PLAG1: variants seen among roughly 807,000 people sequenced by gnomAD.
The protein encoded by PLAG1 is PLAG1 zinc finger, also known as zinc finger protein PLAG1.
PLAG1 carries 7 observed loss-of-function variants against 35.5 expected under a neutral mutation model. The observed-to-expected ratio is 0.20, with a 90% CI of 0.11 to 0.37. The LOEUF is 0.37. PLAG1 is among the 10% of genes least tolerant of loss of function. The probability of loss-of-function intolerance (pLI) is 1.00; values close to 1 mark genes in which losing one functional copy is unlikely to be tolerated. For missense variants in PLAG1, 454 were observed against 602.8 expected, an observed-to-expected ratio of 0.75 and a Z score of 2.58; for synonymous variants, 229 against 225.4, an observed-to-expected ratio of 1.02 and a Z score of -0.14.
In PLAG1 at chr8:56,167,209, C is replaced by T; in HGVS notation, c.537G>A (p.Gly179=). The T allele has an allele frequency of 1.2e-6, 2 of 1,613,952 alleles. No individual in the cohort carries two copies. The highest frequency in any genetic ancestry group is 8.5e-7 in the Non-Finnish European group (1 of 1,179,982). The stretch of plus-strand genomic sequence containing the variant: ...CGCACTGGTGCTTTTTTTCTTTAAC[C>T]CCACCAGACGACTTGCCTGCATGAG... The part of the protein sequence containing the change: ...LKSHAGKSSG[G]VKEKKHQCEH... Residue 179 remains glycine, a synonymous_variant, in exon 5 of 5, where the codon GGG becomes GGA. Coordinates refer to ENST00000316981, the MANE Select transcript of PLAG1 (RefSeq NM_002655.3). This position sits in a 1 kb window ranked among gnomAD's most constrained non-coding sequence, Gnocchi z 5.9.
intron 1 of PLAG1, among the ~76,000 whole-genome samples, chr8:56,182,882 A>T (rs1359229585): frequency 2.6e-5 from 4 of 152,148 alleles, no homozygotes; most frequent in Non-Finnish European, 5.9e-5. Flanking sequence ...TTTGCCCTGG[A>T]TAAGAAAAGG....
In PLAG1 at chr8:56,162,072, T is replaced by A. The variant is rs540052474; in HGVS notation, c.*4171A>T. On this transcript the variant is annotated 3_prime_UTR_variant, in exon 5 of 5. Transcript: ENST00000316981. ...TCTATGATCCCAAAGGAGCTCCCTATGGGTTTTTAGCACAAAACTGCACAA... is the reference window on the plus strand; with the variant it reads ...TCTATGATCCCAAAGGAGCTCCCTAAGGGTTTTTAGCACAAAACTGCACAA... 4.4e-6 allele frequency: 1 copy of A among 225,940 alleles called. No individual in the cohort carries two copies. Among genetic ancestry groups the A allele is most frequent in the East Asian group, 6.4e-5 (1 of 15,736 alleles). 14.0% of individuals were successfully genotyped at this position (225,940 alleles called of 1,614,324 possible).
At position 56,168,156 on chromosome 8, in the gene PLAG1, C is replaced by G; in HGVS notation, c.114G>C (p.Leu38=). 6.2e-7 allele frequency: 1 copy of G among 1,612,918 alleles called. No homozygotes were observed. Among genetic ancestry groups the G allele is most frequent in the Non-Finnish European group, 8.5e-7 (1 of 1,178,954 alleles). The change falls in exon 4 of 5, where the codon CTG becomes CTC. Residue 38 remains leucine, a synonymous_variant. Coordinates refer to ENST00000316981, the MANE Select transcript of PLAG1 (RefSeq NM_002655.3). The part of the protein sequence containing the change: ...TKPRKNFPCQ[L]CDKAFNSVEK... ...CAACACTGTTAAAGGCCTTGTCACA[C>G]AGTTGGCAAGGAAAGTTTTTTCTTG...
intron 1 of PLAG1, among the ~76,000 whole-genome samples, chr8:56,204,856 T>C (rs1047063811): frequency 6.6e-6 from 1 of 151,880 alleles, no homozygotes; most frequent in South Asian, 2.1e-4. Context: ...CTTCACAATC[T>C]GTAAAGGATT....
chr8:56,186,779 C>T (rs564163133), intron 1 of PLAG1, among the ~76,000 whole-genome samples: 6 of 152,026 alleles, frequency 3.9e-5, no homozygotes, highest in East Asian at 1.9e-4. Flanking sequence ...TGCAATGGCG[C>T]GATCTTAGCT....
chr8:56,210,350 A>G (rs765959185), intron 1 of PLAG1, among the ~76,000 whole-genome samples: 1 of 151,826 alleles, frequency 6.6e-6, no homozygotes, highest in African/African-American at 2.4e-5. Flanking sequence ...GATACTGACA[A>G]CAAGCTGTCC....
rs148236195 is a variant in PLAG1, at chr8:56,201,901, T to C, written c.-322+9220A>G. On this transcript the variant is annotated intron_variant, in intron 1 of 4. Coordinates refer to ENST00000316981, the MANE Select transcript of PLAG1 (RefSeq NM_002655.3). ...ATGTTGCTAACGATTCAGGGAATAA[T>C]TCAACCAATCAAGTTGAGTTTCTTT... Among the ~76,000 whole-genome samples the C allele has an allele frequency of 4.3e-4, 65 of 152,118 alleles. 2 individuals carry two copies. The East Asian group carries it at 9.0e-3, about 21-fold the overall frequency.
chr8:56,206,190 C>T (rs1308363693), intron 1 of PLAG1, among the ~76,000 whole-genome samples: 1 of 151,882 alleles, frequency 6.6e-6, no homozygotes, highest in African/African-American at 2.4e-5. Flanking sequence ...CAGTACCACC[C>T]TGTAAAGAGG....
At chr8:56,173,578 T>C (rs1263635961) in intron 2 of PLAG1, among the ~76,000 whole-genome samples, 1 of 144,782 alleles carries the variant, frequency 6.9e-6, no homozygotes, top group Non-Finnish European at 1.5e-5. Context: ...CTCATGTTTT[T>C]CTTTTCTACT....
At chr8:56,193,337 T>C (rs1031681650) in intron 1 of PLAG1, among the ~76,000 whole-genome samples, 2 of 152,252 alleles carry the variant, frequency 1.3e-5, no homozygotes, top group African/African-American at 4.8e-5. Flanking sequence ...TACTTCTGTA[T>C]ATCTTTAAAA....
At chr8:56,196,481 G>T (rs961678925) in intron 1 of PLAG1, among the ~76,000 whole-genome samples, 2 of 152,120 alleles carry the variant, frequency 1.3e-5, no homozygotes, top group African/African-American at 2.4e-5. Context: ...GGTGACCTGA[G>T]GAGGATAGGA....
intron 1 of PLAG1, among the ~76,000 whole-genome samples, chr8:56,187,972 A>G (rs1351165962): frequency 6.6e-6 from 1 of 152,236 alleles, no homozygotes; most frequent in Non-Finnish European, 1.5e-5. Flanking sequence ...ATTATTGACT[A>G]TCCAGCAATG....
intron 1 of PLAG1, among the ~76,000 whole-genome samples, chr8:56,190,062 T>A (rs73596211): frequency 0.097 from 14,822 of 152,240 alleles, 1,900 homozygotes; most frequent in African/African-American, 0.3. Flanking sequence ...GGACTAGCTC[T>A]CGGCCTTGGG....
At chr8:56,191,784 C>T (rs1357952245) in intron 1 of PLAG1, among the ~76,000 whole-genome samples, 1 of 140,624 alleles carries the variant, frequency 7.1e-6, no homozygotes, top group Non-Finnish European at 1.5e-5. Context: ...ATTTATCTGG[C>T]AACATCAATA....
At chr8:56,206,625 C>T (rs1585832752) in intron 1 of PLAG1, among the ~76,000 whole-genome samples, 1 of 151,994 alleles carries the variant, frequency 6.6e-6, no homozygotes, top group Non-Finnish European at 1.5e-5. Flanking sequence ...ATCTGATTTA[C>T]CCTGCATTCA....
chr8:56,182,598 G>A (rs1052087631), intron 1 of PLAG1, among the ~76,000 whole-genome samples: 2 of 152,268 alleles, frequency 1.3e-5, no homozygotes, highest in Non-Finnish European at 2.9e-5. Context: ...TGGGTGGGGC[G>A]GGAGGGAGTG....
intron 1 of PLAG1, among the ~76,000 whole-genome samples, chr8:56,207,791 C>G (rs908653248): frequency 6.6e-5 from 10 of 152,088 alleles, no homozygotes; most frequent in African/African-American, 2.2e-4. Flanking sequence ...CACAAAAGCT[C>G]AGTACAATCA....
rs968652365 is a variant in PLAG1, at chr8:56,163,680, TAC to T, written c.*2561_*2562del. Reference sequence around the variant, plus strand: ...AAGTATGTGTGTGTGTGTGTATATATACACACACACACACACACATACACATA... The same window carrying T: ...AAGTATGTGTGTGTGTGTGTATATATACACACACACACACACATACACATA... On this transcript the variant is annotated 3_prime_UTR_variant, in exon 5 of 5. Coordinates refer to ENST00000316981, the MANE Select transcript of PLAG1 (RefSeq NM_002655.3). The T allele has an allele frequency of 6.1e-3, 1,071 of 176,696 alleles. No individual in the cohort carries two copies. The highest frequency in any genetic ancestry group is 0.019 in the East Asian group (185 of 9,820). The allele number at this position is 176,696 out of a possible 1,614,324, so 10.9% of individuals were successfully genotyped here. A position where few individuals can be genotyped will look rare whatever the true frequency, so the allele number is the denominator to read the frequency against.
chr8:56,176,270 C>A (rs1369290843), intron 2 of PLAG1, among the ~76,000 whole-genome samples: 1 of 151,992 alleles, frequency 6.6e-6, no homozygotes, highest in Admixed American at 6.6e-5. Context: ...CCAGGCTGGT[C>A]TCGAACTGCT....
Sources: allele counts gnomAD v4.1 joint callset (sites outside exome capture counted in the v4.1 genomes callset), GRCh38; gene constraint gnomAD v4.1.1; non-coding constraint Gnocchi (gnomAD v3.1); transcripts MANE v1.5; gene names NCBI Gene and HGNC (gene_info 2026-07-23, HGNC 2026-07-21).